OR51B5: variants seen among roughly 807,000 people sequenced by gnomAD.
OR51B5 encodes olfactory receptor 51B5.
For synonymous variants in OR51B5, 186 were observed against 144.8 expected (o/e 1.28, Z -2.04); for missense variants, 456 against 374.6 (o/e 1.22, Z -1.79).
chr11:5,391,380 C>A (rs1849793101), intron 1 of OR51B5: 1 of 152,158 alleles, frequency 6.6e-6, no homozygotes, highest in Non-Finnish European at 1.5e-5. Flanking sequence ...ATTTGTCACA[C>A]AGTAATGTCC....
chr11:5,340,331 G>A (rs2133674490), downstream of OR51B5: 1 of 152,106 alleles, frequency 6.6e-6, no homozygotes, highest in South Asian at 2.1e-4. Flanking sequence ...GAGATTTGAA[G>A]ATTCTTTTTA....
intron 1 of OR51B5, chr11:5,489,056 T>C (rs1374973153): frequency 6.2e-7 from 1 of 1,614,094 alleles, no homozygotes; most frequent in Admixed American, 1.7e-5. Flanking sequence ...GAGTCCTCAA[T>C]TCTACTTGCC....
At chr11:5,497,711 C>G (rs1272309927) in intron 1 of OR51B5, among the ~76,000 whole-genome samples, 1 of 152,188 alleles carries the variant, frequency 6.6e-6, no homozygotes, top group Non-Finnish European at 1.5e-5. Flanking sequence ...AAGACAACTA[C>G]AGGTGGCTAA....
rs756369765 is a variant in OR51B5, at chr11:5,352,094, A to G, written n.85-5184T>C. On this transcript the variant is annotated intron_variant and non_coding_transcript_variant, in intron 1 of 4. Coordinates refer to the OR51B5 transcript ENST00000415970. ...GCTGACATCACCTTCAACCGTCTCT[A>G]TCCAGTTGTAGTTTTATTTGCAATG... 13 of 1,613,964 alleles carry G rather than the reference A, an allele frequency of 8.1e-6. No individual in the cohort carries two copies. The African/African-American group carries it at 1.6e-4, about 20-fold the overall frequency.
intron 1 of OR51B5, among the ~76,000 whole-genome samples, chr11:5,384,394 A>G (rs1849653700): frequency 6.6e-6 from 1 of 151,894 alleles, no homozygotes; most frequent in Admixed American, 6.5e-5. Flanking sequence ...GGGTTCTCAC[A>G]GAATCTCTTC....
chr11:5,472,216 G>C (rs1003423873), intron 1 of OR51B5, among the ~76,000 whole-genome samples: 7 of 152,166 alleles, frequency 4.6e-5, no homozygotes, highest in African/African-American at 1.4e-4. Context: ...CTAGATGGGG[G>C]ATGTGCATGT....
chr11:5,444,079 G>A (rs1425666400), intron 1 of OR51B5, among the ~76,000 whole-genome samples: 1 of 151,994 alleles, frequency 6.6e-6, no homozygotes, highest in Admixed American at 6.6e-5. Context: ...TTATTTTTAA[G>A]CTCTCCTGAA....
intron 1 of OR51B5, among the ~76,000 whole-genome samples, chr11:5,460,948 A>C (rs1243232944): frequency 6.6e-6 from 1 of 152,178 alleles, no homozygotes. Context: ...CACCTGTTGC[A>C]CTGGAGGGGC....
chr11:5,431,580 CT>C (rs1200976120), intron 1 of OR51B5: 2 of 155,706 alleles, frequency 1.3e-5, no homozygotes, highest in Non-Finnish European at 2.9e-5. Flanking sequence ...GAGGTCAAGA[CT>C]TTCATTGCTT....
chr11:5,431,343 A>C (rs1171198331), intron 1 of OR51B5: 6 of 294,536 alleles, frequency 2.0e-5, no homozygotes, highest in Non-Finnish European at 4.0e-5. Flanking sequence ...CATCAAACCA[A>C]AGAATGCCTG....
chr11:5,453,876 T>G, intron 1 of OR51B5: 1 of 1,614,228 alleles, frequency 6.2e-7, no homozygotes, highest in African/African-American at 1.3e-5. Flanking sequence ...TTGTGACCCC[T>G]TGCGCTATGC....
chr11:5,405,453 G>T (rs4466869), intron 1 of OR51B5, among the ~76,000 whole-genome samples: 57,836 of 151,928 alleles, frequency 0.38, 12,706 homozygotes, highest in Non-Finnish European at 0.5. Flanking sequence ...AATGAGTCAG[G>T]TATACTTCTA....
intron 1 of OR51B5, among the ~76,000 whole-genome samples, chr11:5,494,144 C>G (rs1851616441): frequency 6.6e-6 from 1 of 152,180 alleles, no homozygotes; most frequent in South Asian, 2.1e-4. Context: ...TTGGGTCATC[C>G]CCAGTGGAAT....
intron 1 of OR51B5, among the ~76,000 whole-genome samples, chr11:5,466,782 G>A (rs938003724): frequency 2.0e-5 from 3 of 152,196 alleles, no homozygotes; most frequent in African/African-American, 7.2e-5. Flanking sequence ...ATGGCTCAAA[G>A]TAGCACTTTC....
At chr11:5,440,191 T>C (rs184330488) in intron 1 of OR51B5, among the ~76,000 whole-genome samples, 1 of 152,330 alleles carries the variant, frequency 6.6e-6, no homozygotes, top group East Asian at 1.9e-4. Flanking sequence ...ATTATCTCCT[T>C]CACTCTGGGC....
chr11:5,368,783 C>A (rs1283794012), intron 1 of OR51B5, among the ~76,000 whole-genome samples: 1 of 152,106 alleles, frequency 6.6e-6, no homozygotes, highest in Non-Finnish European at 1.5e-5. Context: ...CAGCATAGGC[C>A]TTCTGAAAGC....
intron 1 of OR51B5, among the ~76,000 whole-genome samples, chr11:5,365,771 A>C (rs1849355276): frequency 6.6e-6 from 1 of 152,196 alleles, no homozygotes; most frequent in Admixed American, 6.5e-5. Context: ...AGATATTATA[A>C]TCCAGGCATC....
At chr11:5,450,587 G>A (rs886560428) in intron 1 of OR51B5, among the ~76,000 whole-genome samples, 3 of 152,140 alleles carry the variant, frequency 2.0e-5, no homozygotes, top group South Asian at 2.1e-4. Context: ...TCCAGGAATA[G>A]GAGAATTTGT....
chr11:5,434,468 G>C (rs1290311483), intron 1 of OR51B5, among the ~76,000 whole-genome samples: 2 of 152,176 alleles, frequency 1.3e-5, no homozygotes, highest in African/African-American at 2.4e-5. Flanking sequence ...TTTGGGGCTA[G>C]TGCACCTCTC....
Sources: gnomAD v4.1 joint callset for allele counts (sites outside exome capture counted in the v4.1 genomes callset) on GRCh38, gnomAD v4.1.1 for gene constraint, MANE v1.5 for transcripts, NCBI Gene and HGNC (gene_info 2026-07-23, HGNC 2026-07-21) for gene names.